Variants in ECT2L observed in about 807,000 individuals in gnomAD.
ECT2L encodes the protein epithelial cell-transforming sequence 2 oncogene-like.
A neutral mutation model predicts 122.8 loss-of-function variants in ECT2L; 126 were observed. The ratio of observed to expected loss-of-function variants is 1.03; its 90% CI spans 0.89 to 1.19. The LOEUF (loss-of-function observed/expected upper bound fraction) is 1.19. Among genes scored for constraint, ECT2L ranks in the 50% most tolerant of loss-of-function variants. The pLI is 0.00. For synonymous variants in ECT2L, 385 were observed against 381.8 expected (o/e 1.01, Z -0.10); for missense variants, 1,012 against 1,064.1 (o/e 0.95, Z 0.68).
intron 20 of ECT2L, among the ~76,000 whole-genome samples, chr6:138,897,383 T>C (rs200323674): frequency 2.0e-5 from 3 of 152,176 alleles, no homozygotes; most frequent in East Asian, 1.9e-4. Flanking sequence ...AGTATTCACA[T>C]AGTGTTTACA....
chr6:138,843,896 G>T (rs2128389849), intron 6 of ECT2L, among the ~76,000 whole-genome samples: 1 of 152,126 alleles, frequency 6.6e-6, no homozygotes, highest in East Asian at 1.9e-4. Context: ...CTCCATGTTG[G>T]CCAGGCTGGT....
At chr6:138,840,639 C>G (rs1245310291) in intron 5 of ECT2L, among the ~76,000 whole-genome samples, 2 of 151,338 alleles carry the variant, frequency 1.3e-5, no homozygotes, top group Non-Finnish European at 2.9e-5. Context: ...CTTGAGAAGT[C>G]AGAAGTTTTA....
chr6:138,849,575 T>C, intron 9 of ECT2L, 141 bp downstream of exon 9: 3 of 305,720 alleles, frequency 9.8e-6, no homozygotes, highest in Admixed American at 6.3e-5. Flanking sequence ...AAGCGAAGCT[T>C]TTTTTTTTTT....
Position 138,812,906 on chromosome 6 carries a change from T to C in ECT2L, c.-175T>C, listed in dbSNP as rs1775948863. Reference sequence around the variant, plus strand: ...TTCTAAGTAGCATTTCCTGGAACGTTCTTAATGCTTCCCATTTTCCCAGCA... The same window carrying C: ...TTCTAAGTAGCATTTCCTGGAACGTCCTTAATGCTTCCCATTTTCCCAGCA... On this transcript the variant is annotated 5_prime_UTR_variant, in exon 2 of 22. Transcript: ENST00000541398. The C allele has an allele frequency of 5.7e-6, 1 of 174,092 alleles. No homozygotes were observed. The allele number at this position is 174,092 out of a possible 1,614,324, so 10.8% of individuals were successfully genotyped here. A position where few individuals can be genotyped will look rare whatever the true frequency, so the allele number is the denominator to read the frequency against.
chr6:138,848,437 G>C (rs1777309250), intron 8 of ECT2L, among the ~76,000 whole-genome samples: 1 of 152,038 alleles, frequency 6.6e-6, no homozygotes, highest in African/African-American at 2.4e-5. Context: ...AAAAATAAAG[G>C]AAGCACAAAG....
chr6:138,830,427 G>C (rs925574571), intron 4 of ECT2L, among the ~76,000 whole-genome samples: 2 of 152,118 alleles, frequency 1.3e-5, no homozygotes, highest in Non-Finnish European at 1.5e-5. Flanking sequence ...CTGTGTTCCA[G>C]TAACATTTTG....
intron 20 of ECT2L, among the ~76,000 whole-genome samples, chr6:138,890,752 T>C (rs1778995838): frequency 6.6e-6 from 1 of 152,148 alleles, no homozygotes; most frequent in African/African-American, 2.4e-5. Context: ...CATTTCTTAA[T>C]GTTCTACTAG....
chr6:138,797,740 C>G (rs115828893), intron 1 of ECT2L, among the ~76,000 whole-genome samples: 1 of 152,120 alleles, frequency 6.6e-6, no homozygotes, highest in Non-Finnish European at 1.5e-5. Flanking sequence ...TTCTTCCCAC[C>G]GACAACCAAT....
At position 138,817,947 on chromosome 6, in the gene ECT2L, G is replaced by T. The variant is rs529080824; in HGVS notation, c.179+3344G>T. On this transcript the variant is annotated intron_variant, in intron 4 of 21. Coordinates refer to ENST00000541398, the MANE Select transcript of ECT2L (RefSeq NM_001077706.3). ...CCACTTGACTAGGTTGACCTTTCCT[G>T]TGACTCCTTAAAGGAAACTGGGCTG... 1.2e-4 allele frequency among the ~76,000 whole-genome samples: 18 copies of T among 152,206 alleles called. No homozygotes were observed. In the East Asian group the frequency reaches 3.5e-3, roughly 29 times the overall value.
intron 20 of ECT2L, among the ~76,000 whole-genome samples, chr6:138,894,442 T>A (rs771096397): frequency 6.6e-6 from 1 of 152,166 alleles, no homozygotes; most frequent in Admixed American, 6.5e-5. Flanking sequence ...CTTGGACAAA[T>A]GAAAATACTT....
intron 1 of ECT2L, among the ~76,000 whole-genome samples, chr6:138,804,031 G>C (rs1007432844): frequency 6.6e-6 from 1 of 152,214 alleles, no homozygotes. Flanking sequence ...ATCCCAGCTA[G>C]AAAATCACTG....
intron 8 of ECT2L, among the ~76,000 whole-genome samples, chr6:138,848,808 C>G (rs1777322829): frequency 6.6e-6 from 1 of 152,134 alleles, no homozygotes; most frequent in African/African-American, 2.4e-5. Flanking sequence ...TACACGCCAC[C>G]ACACCCACCT....
At chr6:138,848,265 T>C (rs986000273) in intron 8 of ECT2L, among the ~76,000 whole-genome samples, 8 of 152,138 alleles carry the variant, frequency 5.3e-5, no homozygotes, top group Admixed American at 4.6e-4. Flanking sequence ...TTGTTGCATT[T>C]AATCCAAAAA....
intron 20 of ECT2L, among the ~76,000 whole-genome samples, chr6:138,895,062 C>G (rs1254761395): frequency 6.6e-6 from 1 of 151,968 alleles, no homozygotes; most frequent in Admixed American, 6.6e-5. Context: ...AGTTCTAGAC[C>G]AGCCTAGGCA....
intron 1 of ECT2L, among the ~76,000 whole-genome samples, chr6:138,811,302 T>C (rs1445085997): frequency 6.6e-6 from 1 of 152,222 alleles, no homozygotes; most frequent in Admixed American, 6.5e-5. Context: ...GCATGAGGAA[T>C]GGAATCCTGT....
intron 20 of ECT2L, among the ~76,000 whole-genome samples, chr6:138,895,857 A>G (rs1391482670): frequency 6.6e-6 from 1 of 151,568 alleles, no homozygotes; most frequent in Non-Finnish European, 1.5e-5. Context: ...CTGGCCACAA[A>G]TAACAAACAA....
chr6:138,893,802 C>T (rs991059753), intron 20 of ECT2L, among the ~76,000 whole-genome samples: 1 of 152,096 alleles, frequency 6.6e-6, no homozygotes, highest in Non-Finnish European at 1.5e-5. Context: ...ATTGTGTGAG[C>T]CCAGAGTTAT....
intron 11 of ECT2L, among the ~76,000 whole-genome samples, chr6:138,863,341 A>C (rs4896412): frequency 0.27 from 41,602 of 152,092 alleles, 6,702 homozygotes; most frequent in Admixed American, 0.38. Context: ...AACTATATAA[A>C]TCATTGCTTC....
chr6:138,836,053 C>T (rs77918379), intron 4 of ECT2L, among the ~76,000 whole-genome samples: 2,902 of 151,942 alleles, frequency 0.019, 89 homozygotes, highest in African/African-American at 0.066. Flanking sequence ...AGGAATAGCG[C>T]GGAAATGATG....
Sources: gnomAD v4.1 joint callset for allele counts (sites outside exome capture counted in the v4.1 genomes callset) on GRCh38, gnomAD v4.1.1 for gene constraint, MANE v1.5 for transcripts, NCBI Gene and HGNC (gene_info 2026-07-23, HGNC 2026-07-21) for gene names.